The following ANPEP variants were observed in gnomAD, a reference collection of about 807,000 sequenced individuals.
ANPEP encodes the protein aminopeptidase N.
ANPEP carries 70 observed loss-of-function variants against 114.6 expected under a neutral mutation model. The ratio of observed to expected loss-of-function variants is 0.61; its 90% CI spans 0.50 to 0.75. The LOEUF (loss-of-function observed/expected upper bound fraction) is 0.75. Ranked by LOEUF, ANPEP falls within the 30% of genes least tolerant of loss-of-function variation. ANPEP has a pLI of 0.00. For missense variants in ANPEP, 1,184 were observed against 1,259.5 expected (o/e 0.94, Z 0.91); for synonymous variants, 548 against 522.3 (o/e 1.05, Z -0.67).
At position 89,801,559 on chromosome 15, in the gene ANPEP, T is replaced by G; in HGVS notation, c.1618A>C (p.Met540Leu). The G allele has an allele frequency of 6.2e-7, 1 of 1,614,080 alleles. No homozygotes were observed. Among genetic ancestry groups the G allele is most frequent in the South Asian group, 1.1e-5 (1 of 91,076 alleles). Residue 540 changes from methionine to leucine, a missense_variant, in exon 11 of 21, where the codon ATG becomes CTG. Physicochemically the swap from Met to Leu is conservative, Grantham distance 15. Coordinates refer to ENST00000300060, the MANE Select transcript of ANPEP (RefSeq NM_001150.3). ...CCCATCTGCAGGGTCCAGCGGTTCATGATGTCCCGCACGGTGGTGGGGAGT... is the reference window on the plus strand; with the variant it reads ...CCCATCTGCAGGGTCCAGCGGTTCAGGATGTCCCGCACGGTGGTGGGGAGT... ...IQLPTTVRDI[M>L]NRWTLQMGFP...
intron 16 of ANPEP, 117 bp downstream of exon 16, chr15:89,792,918 G>A (rs1431748444): frequency 7.7e-6 from 7 of 910,424 alleles, no homozygotes; most frequent in Non-Finnish European, 1.2e-5. Flanking sequence ...CTGGGTGGGG[G>A]TCTCTCCCTG....
chr15:89,790,611 G>A, intron 19 of ANPEP, 70 bp from the exon 20 acceptor site: 1 of 1,361,138 alleles, frequency 7.3e-7, no homozygotes, highest in Non-Finnish European at 1.0e-6. Context: ...CACACCTACT[G>A]GGTAGGGAGC....
chr15:89,785,051 T>C lies in ANPEP; in HGVS notation c.*298A>G. ...TTCATTGTCCATCGAGAGCTTCTGC[T>C]CATCTGGCCCTGGAGCTGGGCTTCC... On this transcript the variant is annotated 3_prime_UTR_variant, in exon 21 of 21. Coordinates refer to ENST00000300060, the MANE Select transcript of ANPEP (RefSeq NM_001150.3). 1 of 359,232 alleles carries C rather than the reference T, an allele frequency of 2.8e-6. No individual in the cohort carries two copies. The highest frequency in any genetic ancestry group is 5.2e-6 in the Non-Finnish European group (1 of 192,784). The allele number at this position is 359,232 out of a possible 1,614,324, so 22.3% of individuals were successfully genotyped here.
intron 2 of ANPEP, among the ~76,000 whole-genome samples, 193 bp from the exon 3 acceptor site, chr15:89,805,656 C>T (rs548301381): frequency 2.0e-5 from 3 of 152,234 alleles, no homozygotes; most frequent in Admixed American, 2.0e-4. Context: ...GGGGTTGGGG[C>T]TCCTTCTGGA....
intron 1 of ANPEP, 65 bp downstream of exon 1, chr15:89,814,707 C>G (rs964695513): frequency 6.5e-6 from 1 of 152,782 alleles, no homozygotes; most frequent in African/African-American, 2.4e-5. Flanking sequence ...CCTCGGTTCC[C>G]GCGCACCCAA....
rs768159208 is a variant in ANPEP at position 89,792,415 on chromosome 15, T to TG, written c.2360+36dup. ...TGAGGACGGGGCTGTTGGGGGCAGA[T>TG]GAAGACTGGCAGAGGAGGCGCAGGG... is the stretch of plus-strand genomic sequence containing the variant. On this transcript the variant is annotated intron_variant, in intron 17 of 20. Coordinates refer to ENST00000300060, the MANE Select transcript of ANPEP (RefSeq NM_001150.3). The TG allele has an allele frequency of 2.5e-6, 4 of 1,613,372 alleles. No homozygotes were observed. In the African/African-American group the frequency reaches 5.3e-5, roughly 22 times the overall value.
chr15:89,796,728 C>G (rs1391610934), intron 15 of ANPEP, among the ~76,000 whole-genome samples: 1 of 151,942 alleles, frequency 6.6e-6, no homozygotes, highest in Non-Finnish European at 1.5e-5. Flanking sequence ...ATCTGCTGAC[C>G]TCGTGATCCG....
At chr15:89,805,503 G>A (rs371974559) in intron 2 of ANPEP, 40 bp from the exon 3 acceptor site, 39 of 1,610,062 alleles carry the variant, frequency 2.4e-5, no homozygotes, top group Non-Finnish European at 3.2e-5. Flanking sequence ...CCAGAGCTGG[G>A]GGTGTGGGAG....
Position 89,803,926 on chromosome 15 carries a change from T to C in ANPEP, c.1256A>G (p.Tyr419Cys). 1.2e-6 allele frequency: 2 copies of C among 1,614,104 alleles called. No individual in the cohort carries two copies. Among genetic ancestry groups the C allele is most frequent in the South Asian group, 1.1e-5 (1 of 91,078 alleles). ...GGGCTCCGCATAGTCAGCACCCAGG[T>C]ACTCCACGTAGGAGGCGAAGCCCTC... ...LNEGFASYVE[Y>C]LGADYAEPTW... The change falls in exon 7 of 21, where the codon TAC becomes TGC. Residue 419 changes from tyrosine (Y) to cysteine (C), a missense_variant. By Grantham distance (194) the Tyr-to-Cys change is radical. Coordinates refer to ENST00000300060, the MANE Select transcript of ANPEP (RefSeq NM_001150.3). This position sits in a 1 kb window ranked among gnomAD's most constrained non-coding sequence, Gnocchi z 4.2.
chr15:89,805,889 A>G, intron 2 of ANPEP, 81 bp downstream of exon 2: 2 of 1,513,406 alleles, frequency 1.3e-6, no homozygotes, highest in Non-Finnish European at 1.8e-6. Flanking sequence ...CCTGCAAGCT[A>G]AGTCCTTCCT....
At position 89,805,102 on chromosome 15, in the gene ANPEP, C is replaced by T; in HGVS notation, c.873G>A (p.Glu291=). The T allele has an allele frequency of 1.2e-6, 2 of 1,614,256 alleles. No individual in the cohort carries two copies. Among genetic ancestry groups the T allele is most frequent in the South Asian group, 1.1e-5 (1 of 91,090 alleles). ...AFIVSEFDYV[E]KQASNGVLIR... ...CCAAGACACCATTGGATGCCTGCTT[C>T]TCCACGTAGTCGAACTCACTGACAA... Residue 291 remains glutamate (E), a synonymous_variant, in exon 4 of 21, where the codon GAG becomes GAA. Transcript: ENST00000300060.
At chr15:89,786,432 G>C (rs1484422775) in intron 20 of ANPEP, among the ~76,000 whole-genome samples, 1 of 123,646 alleles carries the variant, frequency 8.1e-6, no homozygotes, top group South Asian at 2.6e-4. Flanking sequence ...ATCCTAAAAT[G>C]CATAAGAAAT....
intron 19 of ANPEP, 94 bp downstream of exon 19, chr15:89,790,859 G>T: frequency 6.7e-7 from 1 of 1,493,764 alleles, no homozygotes; most frequent in Non-Finnish European, 9.1e-7. Flanking sequence ...TCCACTTCTG[G>T]TTAGTGCCCC....
In ANPEP at chr15:89,806,798, G is replaced by C. The variant is rs961574193; in HGVS notation, c.-215C>G. The C allele has an allele frequency of 4.3e-6, 3 of 696,060 alleles. No homozygotes were observed. The Admixed American group carries it at 9.5e-5, about 22-fold the overall frequency. The allele number at this position is 696,060 out of a possible 1,614,324, so 43.1% of individuals were successfully genotyped here. A position where few individuals can be genotyped will look rare whatever the true frequency, so the allele number is the denominator to read the frequency against. On this transcript the variant is annotated 5_prime_UTR_variant, in exon 2 of 21. Coordinates refer to ENST00000300060, the MANE Select transcript of ANPEP (RefSeq NM_001150.3). The surrounding 1 kb of genome is among the most constrained non-coding windows in gnomAD (Gnocchi z 5.7). The stretch of plus-strand genomic sequence containing the variant: ...AGGAACGGTGTGTGGAGCTGGGCTC[G>C]GGGGGTGCCTGCTGGAAGCAAACAG...
chr15:89,799,081 C>A lies in ANPEP; in HGVS notation c.2009+179G>T, dbSNP rs558806274. ...GTGACTTCGGGCAAGGTGTCACATT[C>A]TTCATCTGTGAAATGGGTGTGTGGG... is the stretch of plus-strand genomic sequence containing the variant. On this transcript the variant is annotated intron_variant, in intron 14 of 20. Coordinates refer to ENST00000300060, the MANE Select transcript of ANPEP (RefSeq NM_001150.3). This position sits in a 1 kb window ranked among gnomAD's most constrained non-coding sequence, Gnocchi z 4.2. 3.3e-4 allele frequency among the ~76,000 whole-genome samples: 51 copies of A among 152,312 alleles called. No individual in the cohort carries two copies. Among genetic ancestry groups the A allele is most frequent in the Admixed American group, 9.2e-4 (14 of 15,282 alleles).
chr15:89,804,613 C>T lies in ANPEP; in HGVS notation c.902G>A (p.Arg301Gln), dbSNP rs566665242. The change falls in exon 5 of 21, where the codon CGG (arginine) becomes CAG (glutamine). Residue 301 changes from arginine to glutamine, a missense_variant. Physicochemically the swap from Arg to Gln is conservative, Grantham distance 43 (BLOSUM62 1). Transcript: ENST00000300060. The part of the protein sequence containing the change: ...EKQASNGVLI[R>Q]IWARPSAIAA... ...AATGGCACTGGGCCGGGCCCAGATC[C>T]GGATCTGCAAGGTGTGAGGAAGAAG... 2.0e-4 allele frequency: 325 copies of T among 1,613,484 alleles called. No homozygotes were observed. The highest frequency in any genetic ancestry group is 2.7e-4 in the Non-Finnish European group (314 of 1,179,750).
chr15:89,801,658 G>A (rs1280752314), intron 10 of ANPEP, 51 bp from the exon 11 acceptor site: 27 of 1,581,772 alleles, frequency 1.7e-5, no homozygotes, highest in Non-Finnish European at 2.2e-5. Context: ...TCCAGTCCCT[G>A]CCATCCAGGG....
At chr15:89,793,800 C>CA (rs34392936) in intron 15 of ANPEP, among the ~76,000 whole-genome samples, 4 of 151,864 alleles carry the variant, frequency 2.6e-5, no homozygotes, top group Admixed American at 2.0e-4. Flanking sequence ...AGGAGCTCAC[C>CA]AAAACTACAG....
At chr15:89,807,486 GT>G (rs1365275831) in intron 1 of ANPEP, among the ~76,000 whole-genome samples, 8 of 152,136 alleles carry the variant, frequency 5.3e-5, no homozygotes. Flanking sequence ...GGATCACGAG[GT>G]TAGGAGTTCA....
Sources: gnomAD v4.1 joint callset for allele counts (sites outside exome capture counted in the v4.1 genomes callset) on GRCh38, gnomAD v4.1.1 for gene constraint, Gnocchi (gnomAD v3.1) non-coding constraint, MANE v1.5 for transcripts, NCBI Gene and HGNC (gene_info 2026-07-23, HGNC 2026-07-21) for gene names.